Variants in ICA1L observed in about 807,000 individuals in gnomAD.
ICA1L encodes the protein islet cell autoantigen 1-like protein.
In ICA1L, 50 loss-of-function variants were observed where a neutral mutation model predicts 61.3. The observed-to-expected ratio is 0.82, with a 90% CI of 0.65 to 1.03. ICA1L has a LOEUF of 1.03. Among genes scored for constraint, ICA1L ranks in the 50% least tolerant of loss-of-function variants. ICA1L has a pLI of 0.00. For synonymous variants in ICA1L, 161 were observed against 191.3 expected (o/e 0.84, Z 1.31); for missense variants, 508 against 556.7 (o/e 0.91, Z 0.88).
chr2:202,826,559 C>T (rs1220908151), intron 2 of ICA1L, among the ~76,000 whole-genome samples: 1 of 152,106 alleles, frequency 6.6e-6, no homozygotes, highest in Non-Finnish European at 1.5e-5. Flanking sequence ...GCAACTTCTA[C>T]CGCCTGGGTT....
At chr2:202,819,576 G>T in intron 5 of ICA1L, 125 bp downstream of exon 5, 1 of 758,020 alleles carries the variant, frequency 1.3e-6, no homozygotes, top group Non-Finnish European at 2.1e-6. Flanking sequence ...CAGTCTCCAA[G>T]CAACCAAGAA....
chr2:202,774,143 T>C lies in ICA1L; in HGVS notation c.*5390A>G, dbSNP rs1692139831. 6.8e-7 allele frequency: 1 copy of C among 1,475,636 alleles called. No individual in the cohort carries two copies. Among genetic ancestry groups the C allele is most frequent in the African/African-American group, 1.4e-5 (1 of 71,370 alleles). 91.4% of individuals were successfully genotyped at this position (1,475,636 alleles called of 1,614,324 possible). On this transcript the variant is annotated 3_prime_UTR_variant, in exon 13 of 13. Transcript: ENST00000358299. The stretch of plus-strand genomic sequence containing the variant: ...TCTCAACTCTTCATTAATCAATTCA[T>C]TTGTTGATGCTTCATATCTGAGCGG...
intron 1 of ICA1L, among the ~76,000 whole-genome samples, chr2:202,860,691 A>C (rs1251160761): frequency 6.6e-6 from 1 of 151,714 alleles, no homozygotes; most frequent in Non-Finnish European, 1.5e-5. Context: ...CACGGAGATT[A>C]CAGTGTGCCA....
chr2:202,817,971 A>G (rs1693586667), intron 5 of ICA1L, among the ~76,000 whole-genome samples: 1 of 152,230 alleles, frequency 6.6e-6, no homozygotes, highest in Non-Finnish European at 1.5e-5. Context: ...GAGGCCTATT[A>G]TATTTCTTGA....
chr2:202,823,761 C>T (rs1693761156), intron 3 of ICA1L, among the ~76,000 whole-genome samples: 1 of 152,194 alleles, frequency 6.6e-6, no homozygotes, highest in African/African-American at 2.4e-5. Context: ...TTACTCTAAT[C>T]CACAGTTATT....
At position 202,788,888 on chromosome 2, in the gene ICA1L, A is replaced by C. The variant is rs751578584; in HGVS notation, c.1185T>G (p.Ser395=). 6.2e-7 allele frequency: 1 copy of C among 1,614,164 alleles called. No individual in the cohort carries two copies. The highest frequency in any genetic ancestry group is 2.2e-5 in the East Asian group (1 of 44,882). The change falls in exon 11 of 13, where the codon TCT becomes TCG. Residue 395 remains serine, a synonymous_variant. Coordinates refer to ENST00000358299, the MANE Select transcript of ICA1L (RefSeq NM_001288622.3). ...CAAAGAGTTGTGAAGGAAGGAATCG[A>C]GAAGAATGAGCGAGGGGCTCAGACC... ...SMGSEPLAHS[S]RFLPSQLFDL... is the part of the protein sequence containing the mutation.
At chr2:202,842,478 C>T (rs1345562198) in intron 1 of ICA1L, among the ~76,000 whole-genome samples, 1 of 152,198 alleles carries the variant, frequency 6.6e-6, no homozygotes, top group African/African-American at 2.4e-5. Context: ...AATTTATCAT[C>T]CCACTCTCTA....
In ICA1L at chr2:202,846,382, C is replaced by CT. The variant is rs1395832851; in HGVS notation, c.-7-17367dup. On this transcript the variant is annotated intron_variant, in intron 1 of 12. Transcript: ENST00000358299. ...CATCACACTTGGCTAATTTTTTTTT[C>CT]TTTTTTTTGTAGAGATCCTAAGACT... Among the ~76,000 whole-genome samples, 5 of 150,580 alleles carry CT rather than the reference C, an allele frequency of 3.3e-5. No homozygotes were observed. The East Asian group carries it at 5.8e-4, about 17-fold the overall frequency.
At chr2:202,870,990 T>C (rs1183054299) in intron 1 of ICA1L, 1 of 152,224 alleles carries the variant, frequency 6.6e-6, no homozygotes, top group Non-Finnish European at 1.5e-5. Context: ...TGGGGTCGGG[T>C]TGCCGGCCTA....
chr2:202,808,791 G>A (rs1209461767), intron 9 of ICA1L, among the ~76,000 whole-genome samples: 1 of 152,192 alleles, frequency 6.6e-6, no homozygotes, highest in Non-Finnish European at 1.5e-5. Flanking sequence ...CTCTACAATT[G>A]TGCAAGAGCC....
rs148574065 is a variant in ICA1L, at chr2:202,817,302, G to A, written c.684+116C>T. ...CTCTGACTTTCATAACCTCAATAAA[G>A]CAAAGTCAAAGGAATCTAATCATAC... On this transcript the variant is annotated intron_variant, in intron 6 of 12. Transcript: ENST00000358299. The A allele has an allele frequency of 4.6e-3, 4,459 of 959,338 alleles. 22 individuals carry two copies. The highest frequency in any genetic ancestry group is 5.6e-3 in the Non-Finnish European group (3,838 of 683,868). The allele number at this position is 959,338 out of a possible 1,614,324, so 59.4% of individuals were successfully genotyped here.
Position 202,821,546 on chromosome 2 carries a change from A to G in ICA1L, c.236-65T>C, listed in dbSNP as rs1693702655. The G allele has an allele frequency of 4.0e-6, 5 of 1,236,042 alleles. No individual in the cohort carries two copies. The South Asian group carries it at 5.6e-5, about 14-fold the overall frequency. 76.6% of individuals were successfully genotyped at this position (1,236,042 alleles called of 1,614,324 possible). The stretch of plus-strand genomic sequence containing the variant: ...ATCATTTGTTTAAAACATACACACA[A>G]CTAAAAATCTCACAGCAATAACTCT... On this transcript the variant is annotated intron_variant, in intron 3 of 12. Coordinates refer to ENST00000358299, the MANE Select transcript of ICA1L (RefSeq NM_001288622.3).
chr2:202,797,451 T>C (rs1425480621), intron 9 of ICA1L, among the ~76,000 whole-genome samples: 3 of 152,248 alleles, frequency 2.0e-5, no homozygotes, highest in East Asian at 1.9e-4. Context: ...TTTTGATATA[T>C]GTAATACATT....
chr2:202,846,717 C>T (rs771974613), intron 1 of ICA1L, among the ~76,000 whole-genome samples: 6 of 147,600 alleles, frequency 4.1e-5, no homozygotes, highest in Non-Finnish European at 7.6e-5. Context: ...CTTGCAAGCC[C>T]TTATCCAAAA....
chr2:202,830,830 G>A (rs1240577562), intron 1 of ICA1L, among the ~76,000 whole-genome samples: 2 of 152,068 alleles, frequency 1.3e-5, no homozygotes, highest in African/African-American at 4.8e-5. Flanking sequence ...GTAACACACA[G>A]TACAAAACAA....
At position 202,836,592 on chromosome 2, in the gene ICA1L, ATGTT is replaced by A. The variant is rs1694154544; in HGVS notation, c.-7-7580_-7-7577del. On this transcript the variant is annotated intron_variant, in intron 1 of 12. Transcript: ENST00000358299. ...AGAAGGATTGGTTTTAATTGTCTAA[ATGTT>A]TGGTAGTATTCAGTAGTGGCATCAT... 6.6e-5 allele frequency among the ~76,000 whole-genome samples: 10 copies of A among 152,030 alleles called. No homozygotes were observed. The South Asian group carries it at 1.7e-3, about 25-fold the overall frequency.
chr2:202,785,464 G>A (rs1050448010), intron 12 of ICA1L, among the ~76,000 whole-genome samples: 4 of 152,132 alleles, frequency 2.6e-5, no homozygotes, highest in African/African-American at 9.7e-5. Context: ...TGTCGCCCAG[G>A]CTGGAGTGAG....
intron 3 of ICA1L, 68 bp from the exon 4 acceptor site, chr2:202,821,549 A>G: frequency 2.5e-6 from 3 of 1,211,204 alleles, no homozygotes. Context: ...ACACACAACT[A>G]AAAATCTCAC....
At chr2:202,851,463 A>T (rs1694618172) in intron 1 of ICA1L, among the ~76,000 whole-genome samples, 2 of 152,218 alleles carry the variant, frequency 1.3e-5, no homozygotes, top group African/African-American at 4.8e-5. Flanking sequence ...ATAGTGCCAC[A>T]ATAAACATAC....
Sources: allele counts gnomAD v4.1 joint callset (sites outside exome capture counted in the v4.1 genomes callset), GRCh38; gene constraint gnomAD v4.1.1; transcripts MANE v1.5; gene names NCBI Gene and HGNC (gene_info 2026-07-23, HGNC 2026-07-21).